The following CNTN3 variants were observed in gnomAD, a reference collection of about 807,000 sequenced individuals.
CNTN3 encodes contactin 3.
CNTN3 carries 60 observed loss-of-function variants against 119.1 expected under a neutral mutation model. The observed-to-expected ratio is 0.50, with a 90% CI of 0.41 to 0.62. The LOEUF (loss-of-function observed/expected upper bound fraction) is 0.62. Among genes scored for constraint, CNTN3 ranks in the 20% least tolerant of loss-of-function variants. CNTN3 has a pLI of 0.00. For synonymous variants in CNTN3, 450 were observed against 438.7 expected (o/e 1.03, Z -0.32); for missense variants, 1,101 against 1,242.4 (o/e 0.89, Z 1.71).
In CNTN3 at chr3:74,369,177, G is replaced by C. The variant is rs541124490; in HGVS notation, c.946+12C>G. 19 of 1,573,772 alleles carry C rather than the reference G, an allele frequency of 1.2e-5. No homozygotes were observed. The highest frequency in any genetic ancestry group is 1.6e-5 in the Non-Finnish European group (19 of 1,162,070). On this transcript the variant is annotated intron_variant, in intron 8 of 22. Coordinates refer to ENST00000263665, the MANE Select transcript of CNTN3 (RefSeq NM_020872.3). The stretch of plus-strand genomic sequence containing the variant: ...AAGCTAAAACTCCAATTTGCCCAAA[G>C]CAGATGCTCACCATAGTAAGTGAGA...
chr3:74,313,571 T>C (rs775876083), intron 13 of CNTN3, among the ~76,000 whole-genome samples: 1 of 152,200 alleles, frequency 6.6e-6, no homozygotes, highest in Admixed American at 6.5e-5. Flanking sequence ...AGTTGATTAA[T>C]AGAGAAAAGA....
At chr3:74,376,759 G>C (rs1704485327) in intron 5 of CNTN3, among the ~76,000 whole-genome samples, 1 of 151,950 alleles carries the variant, frequency 6.6e-6, no homozygotes, top group Non-Finnish European at 1.5e-5. Flanking sequence ...AAAAGTTTGG[G>C]GACTGCTGAC....
At chr3:74,557,679 A>G (rs993229598) in intron 1 of CNTN3, among the ~76,000 whole-genome samples, 2 of 149,404 alleles carry the variant, frequency 1.3e-5, no homozygotes, top group African/African-American at 2.5e-5. Flanking sequence ...TTATGCCATA[A>G]TTTCCACCCT....
intron 13 of CNTN3, among the ~76,000 whole-genome samples, chr3:74,310,889 C>T (rs1036075674): frequency 4.6e-5 from 7 of 152,124 alleles, no homozygotes; most frequent in Admixed American, 1.3e-4. Flanking sequence ...ATACTGCCTC[C>T]GCCTTGGGCA....
At chr3:74,405,411 A>G (rs1705300407) in intron 5 of CNTN3, among the ~76,000 whole-genome samples, 1 of 151,906 alleles carries the variant, frequency 6.6e-6, no homozygotes, top group South Asian at 2.1e-4. Flanking sequence ...CAGAATAACT[A>G]TAATATTTCA....
chr3:74,449,994 A>C (rs1702118504), intron 4 of CNTN3, among the ~76,000 whole-genome samples: 1 of 152,152 alleles, frequency 6.6e-6, no homozygotes, highest in Non-Finnish European at 1.5e-5. Context: ...ATATGTAGTT[A>C]CATAATCATT....
intron 1 of CNTN3, among the ~76,000 whole-genome samples, chr3:74,560,400 C>A (rs775264021): frequency 2.0e-4 from 31 of 152,086 alleles, no homozygotes; most frequent in Admixed American, 7.2e-4. Flanking sequence ...GTCTTACTTG[C>A]TTACAAATGC....
At chr3:74,280,003 TAAA>T (rs1268280449) in intron 20 of CNTN3, among the ~76,000 whole-genome samples, 2 of 152,074 alleles carry the variant, frequency 1.3e-5, no homozygotes, top group African/African-American at 4.8e-5. Context: ...TTATATAACT[TAAA>T]GAGTTTAATT....
At chr3:74,433,918 C>T (rs906841815) in intron 4 of CNTN3, among the ~76,000 whole-genome samples, 1 of 152,168 alleles carries the variant, frequency 6.6e-6, no homozygotes, top group Admixed American at 6.6e-5. Context: ...GGATTAGAGC[C>T]TTGTCATTTT....
chr3:74,294,658 A>T (rs952969529), intron 19 of CNTN3, among the ~76,000 whole-genome samples: 19 of 152,040 alleles, frequency 1.2e-4, no homozygotes, highest in African/African-American at 3.9e-4. Context: ...GTTTCGTCCT[A>T]TTTCACTAAA....
At chr3:74,332,673 A>G (rs1703293400) in intron 13 of CNTN3, among the ~76,000 whole-genome samples, 1 of 152,234 alleles carries the variant, frequency 6.6e-6, no homozygotes, top group African/African-American at 2.4e-5. Flanking sequence ...GTCTTTCATT[A>G]CACATTTATT....
chr3:74,392,016 G>A (rs1704924808), intron 5 of CNTN3, among the ~76,000 whole-genome samples: 1 of 152,064 alleles, frequency 6.6e-6, no homozygotes, highest in African/African-American at 2.4e-5. Flanking sequence ...GAATTGTGAT[G>A]TGACTTTGCT....
rs562083945 is a variant in CNTN3 at position 74,411,913 on chromosome 3, T to C, written c.454+12932A>G. Among the ~76,000 whole-genome samples, 39 of 152,284 alleles carry C rather than the reference T, an allele frequency of 2.6e-4. 1 individual carries two copies. The highest frequency in any genetic ancestry group is 9.1e-4 in the African/African-American group (38 of 41,560). On this transcript the variant is annotated intron_variant, in intron 5 of 22. Transcript: ENST00000263665. ...TTTAGAAGAAGTAACAGGAGTGGGC[T>C]GCAAAACACCTAATACTTTCAGATA...
chr3:74,449,213 C>A (rs1332961774), intron 4 of CNTN3, among the ~76,000 whole-genome samples: 1 of 151,536 alleles, frequency 6.6e-6, no homozygotes, highest in African/African-American at 2.4e-5. Flanking sequence ...TGCTCTGGGG[C>A]CATTTCATTG....
intron 1 of CNTN3, among the ~76,000 whole-genome samples, chr3:74,589,240 G>T (rs1227650783): frequency 6.6e-6 from 1 of 152,090 alleles, no homozygotes; most frequent in Non-Finnish European, 1.5e-5. Flanking sequence ...AATCTACAAT[G>T]AACTCAAACC....
At chr3:74,418,451 C>G (rs1701562982) in intron 5 of CNTN3, among the ~76,000 whole-genome samples, 1 of 144,946 alleles carries the variant, frequency 6.9e-6, no homozygotes, top group South Asian at 2.2e-4. Flanking sequence ...AAGCAATTCT[C>G]CTGCCTCAGA....
rs1224421458 is a variant in CNTN3 at position 74,279,260 on chromosome 3, A to G, written c.2704+6045T>C. Among the ~76,000 whole-genome samples the G allele has an allele frequency of 3.9e-5, 6 of 152,204 alleles. No individual in the cohort carries two copies. In the East Asian group the frequency reaches 5.8e-4, roughly 15 times the overall value. On this transcript the variant is annotated intron_variant, in intron 20 of 22. Coordinates refer to ENST00000263665, the MANE Select transcript of CNTN3 (RefSeq NM_020872.3). The stretch of plus-strand genomic sequence containing the variant: ...TGATCCAGCAATCCCACTACTGGGT[A>G]TCTACCTAGAGGAAAAAAAGTCATT...
At chr3:74,419,313 T>A (rs9855546) in intron 5 of CNTN3, among the ~76,000 whole-genome samples, 2 of 151,782 alleles carry the variant, frequency 1.3e-5, no homozygotes, top group Non-Finnish European at 2.9e-5. Context: ...AGATGAAAAC[T>A]CCTATTCAGT....
chr3:74,461,885 C>A (rs537229122), intron 4 of CNTN3, among the ~76,000 whole-genome samples: 42 of 152,180 alleles, frequency 2.8e-4, no homozygotes, highest in African/African-American at 9.9e-4. Context: ...GCAATACTGA[C>A]CACATGGATA....
Sources: gnomAD v4.1 joint callset for allele counts (sites outside exome capture counted in the v4.1 genomes callset) on GRCh38, gnomAD v4.1.1 for gene constraint, MANE v1.5 for transcripts, NCBI Gene and HGNC (gene_info 2026-07-23, HGNC 2026-07-21) for gene names.